Variants in RBFOX1 observed in about 807,000 individuals in gnomAD.
RBFOX1 encodes the protein RNA binding protein fox-1 homolog 1.
Under a neutral mutation model 57.7 loss-of-function variants are expected in RBFOX1, and 8 were observed. That is an observed-to-expected ratio of 0.14 (90% CI 0.08 to 0.25). RBFOX1 has a LOEUF of 0.25. Among genes scored for constraint, RBFOX1 ranks in the 10% least tolerant of loss-of-function variants. The probability of loss-of-function intolerance (pLI) is 1.00; values close to 1 mark genes in which losing one functional copy is unlikely to be tolerated. For missense variants in RBFOX1, 611 were observed against 548.5 expected (o/e 1.11, Z -1.14); for synonymous variants, 326 against 222.4 (o/e 1.47, Z -4.15).
chr16:6,079,145 C>A (rs555418292), intron 1 of RBFOX1, among the ~76,000 whole-genome samples: 2 of 88,274 alleles, frequency 2.3e-5, no homozygotes, highest in African/African-American at 1.1e-4. Flanking sequence ...CTCATCTCTA[C>A]TGAAAATAAA....
At chr16:7,164,818 A>G (rs2079092167) in intron 4 of RBFOX1, among the ~76,000 whole-genome samples, 2 of 152,330 alleles carry the variant, frequency 1.3e-5, no homozygotes, top group Middle Eastern at 3.4e-3. Context: ...TTTTAAAAAC[A>G]TTGCTGTTGT....
chr16:7,327,069 C>T (rs2096621029), intron 4 of RBFOX1, among the ~76,000 whole-genome samples: 1 of 152,152 alleles, frequency 6.6e-6, no homozygotes, highest in Non-Finnish European at 1.5e-5. Flanking sequence ...AGTCTCTGAA[C>T]CAAACACAAT....
At chr16:6,224,084 A>G (rs897991410) in intron 1 of RBFOX1, among the ~76,000 whole-genome samples, 4 of 152,070 alleles carry the variant, frequency 2.6e-5, no homozygotes, top group African/African-American at 9.7e-5. Context: ...TACCAGTACC[A>G]TGCTGTTTTG....
At chr16:5,973,902 A>C (rs776425285) in intron 4 of RBFOX1, among the ~76,000 whole-genome samples, 21 of 152,170 alleles carry the variant, frequency 1.4e-4, no homozygotes, top group Non-Finnish European at 2.8e-4. Context: ...AGGGCTCAGA[A>C]AATGCATATT....
chr16:7,388,777 G>T (rs372000834), intron 4 of RBFOX1, among the ~76,000 whole-genome samples: 1 of 149,446 alleles, frequency 6.7e-6, no homozygotes, highest in African/African-American at 2.5e-5. Context: ...TGTGTTAGAT[G>T]AGTTTGTCCA....
intron 2 of RBFOX1, among the ~76,000 whole-genome samples, chr16:6,606,100 C>G (rs1401924275): frequency 1.3e-5 from 2 of 151,200 alleles, no homozygotes; most frequent in African/African-American, 2.4e-5. Flanking sequence ...CAGAGCGAGA[C>G]TCTGTCTCAA....
chr16:7,602,284 T>G (rs2095065623), intron 9 of RBFOX1, among the ~76,000 whole-genome samples: 1 of 152,158 alleles, frequency 6.6e-6, no homozygotes, highest in Admixed American at 6.5e-5. Flanking sequence ...TGTGGCCCCT[T>G]GAGTCCTGGC....
intron 4 of RBFOX1, among the ~76,000 whole-genome samples, chr16:7,457,614 T>A (rs1483553797): frequency 6.6e-6 from 1 of 152,188 alleles, no homozygotes; most frequent in Non-Finnish European, 1.5e-5. Flanking sequence ...TTGTGAATGT[T>A]CCTTGTGAAG....
At chr16:6,585,258 T>G (rs1031483580) in intron 2 of RBFOX1, among the ~76,000 whole-genome samples, 4 of 152,320 alleles carry the variant, frequency 2.6e-5, no homozygotes, top group South Asian at 2.1e-4. Context: ...AGAGGAAACC[T>G]TTATCGTCAT....
At chr16:6,888,323 C>A (rs1567726164) in intron 3 of RBFOX1, among the ~76,000 whole-genome samples, 1 of 152,144 alleles carries the variant, frequency 6.6e-6, no homozygotes, top group Non-Finnish European at 1.5e-5. Flanking sequence ...ACACAGTTGG[C>A]AATATACAAT....
chr16:5,802,023 G>A (rs569088896), intron 3 of RBFOX1, among the ~76,000 whole-genome samples: 2 of 152,114 alleles, frequency 1.3e-5, no homozygotes, highest in South Asian at 4.2e-4. Context: ...GGAGGAAGAG[G>A]AGACCTTGAC....
At chr16:7,481,205 A>G (rs1435154320) in intron 4 of RBFOX1, among the ~76,000 whole-genome samples, 1 of 152,194 alleles carries the variant, frequency 6.6e-6, no homozygotes, top group African/African-American at 2.4e-5. Flanking sequence ...GGAACAGAGT[A>G]AGGACTCAGA....
chr16:7,090,230 A>T (rs1358990074), intron 4 of RBFOX1, among the ~76,000 whole-genome samples: 2 of 152,252 alleles, frequency 1.3e-5, no homozygotes, highest in South Asian at 4.1e-4. Flanking sequence ...AGGAGAGACA[A>T]TAAAATAGAA....
At chr16:5,741,547 T>C (rs1682306697) in intron 3 of RBFOX1, among the ~76,000 whole-genome samples, 1 of 152,228 alleles carries the variant, frequency 6.6e-6, no homozygotes, top group Non-Finnish European at 1.5e-5. Flanking sequence ...GTTGGTATGA[T>C]TTTTAATCAT....
chr16:6,825,190 G>T (rs896588549), intron 3 of RBFOX1, among the ~76,000 whole-genome samples: 1 of 149,756 alleles, frequency 6.7e-6, no homozygotes, highest in African/African-American at 2.5e-5. Context: ...TTTCTTGTGG[G>T]GGGGCTGACG....
intron 3 of RBFOX1, among the ~76,000 whole-genome samples, chr16:6,773,446 G>A (rs1371933125): frequency 6.8e-6 from 1 of 147,130 alleles, no homozygotes. Flanking sequence ...GTCTTGGGGG[G>A]CATAGGGTGC....
Position 6,019,182 on chromosome 16 carries a change from C to T in RBFOX1, c.-937C>T, listed in dbSNP as rs1596417025. ...ATCTATATTTTTACTGGAAGATTTC[C>T]TCTTTATTCTCTCCCGCCCTCCTAC... is the stretch of plus-strand genomic sequence containing the variant. On this transcript the variant is annotated 5_prime_UTR_variant, in exon 1 of 16. Coordinates refer to ENST00000550418, the MANE Select transcript of RBFOX1 (RefSeq NM_018723.4). This position sits in a 1 kb window ranked among gnomAD's most constrained non-coding sequence, Gnocchi z 4.2. The T allele has an allele frequency of 1.0e-6, 1 of 985,332 alleles. No individual in the cohort carries two copies. The highest frequency in any genetic ancestry group is 1.2e-6 in the Non-Finnish European group (1 of 830,032). 61.0% of individuals were successfully genotyped at this position (985,332 alleles called of 1,614,324 possible).
At chr16:6,283,060 C>T (rs1017715688) in intron 1 of RBFOX1, among the ~76,000 whole-genome samples, 2 of 152,190 alleles carry the variant, frequency 1.3e-5, no homozygotes, top group Non-Finnish European at 2.9e-5. Flanking sequence ...AACATGGTGG[C>T]CCCTGCCTGT....
chr16:7,078,508 T>C (rs2058651407), intron 4 of RBFOX1, among the ~76,000 whole-genome samples: 1 of 146,608 alleles, frequency 6.8e-6, no homozygotes. Context: ...CCATCACGCC[T>C]GGCTAATTTT....
Sources: allele counts gnomAD v4.1 joint callset (sites outside exome capture counted in the v4.1 genomes callset), GRCh38; gene constraint gnomAD v4.1.1; non-coding constraint Gnocchi (gnomAD v3.1); transcripts MANE v1.5; gene names NCBI Gene and HGNC (gene_info 2026-07-23, HGNC 2026-07-21).